AKAP10: variants seen among roughly 807,000 people sequenced by gnomAD.
AKAP10 encodes A-kinase anchoring protein 10, also known as A-kinase anchor protein 10, mitochondrial.
Under a neutral mutation model 80.8 loss-of-function variants are expected in AKAP10, and 24 were observed. The ratio of observed to expected loss-of-function variants is 0.30; its 90% CI spans 0.22 to 0.42. The LOEUF (loss-of-function observed/expected upper bound fraction) is 0.42, where lower values mean the gene tolerates loss of function less well. Among genes scored for constraint, AKAP10 ranks in the 10% least tolerant of loss-of-function variants. The pLI, the probability that AKAP10 is intolerant of heterozygous loss-of-function variation, is 1.00. For synonymous variants in AKAP10, 291 were observed against 277.7 expected (o/e 1.05, Z -0.48); for missense variants, 661 against 794.9 (o/e 0.83, Z 2.03).
intron 12 of AKAP10, among the ~76,000 whole-genome samples, chr17:19,917,514 G>A (rs2042758567): frequency 1.3e-5 from 2 of 152,152 alleles, no homozygotes; most frequent in Non-Finnish European, 2.9e-5. Context: ...CCATTACCTA[G>A]GTGGAAGTGC....
intron 4 of AKAP10, 51 bp from the exon 5 acceptor site, chr17:19,947,556 G>A: frequency 2.5e-6 from 3 of 1,196,022 alleles, no homozygotes; most frequent in Non-Finnish European, 3.7e-6. Flanking sequence ...TTGGACTCCA[G>A]TAATGAATTA....
At chr17:19,925,063 C>T (rs2042862114) in intron 10 of AKAP10, among the ~76,000 whole-genome samples, 1 of 152,010 alleles carries the variant, frequency 6.6e-6, no homozygotes, top group Non-Finnish European at 1.5e-5. Context: ...ACTCTGGAGG[C>T]TGAGACATGA....
intron 9 of AKAP10, among the ~76,000 whole-genome samples, chr17:19,932,359 A>G (rs947691733): frequency 1.3e-5 from 2 of 151,276 alleles, no homozygotes; most frequent in Non-Finnish European, 2.9e-5. Context: ...GGCCTGAGGC[A>G]GGAGAATTGC....
At chr17:19,947,144 G>T (rs1597511470) in intron 5 of AKAP10, 1 of 426,506 alleles carries the variant, frequency 2.3e-6, no homozygotes, top group Admixed American at 3.9e-5. Flanking sequence ...CCGCCCGCCG[G>T]CCCGGCTGCT....
At chr17:19,973,535 C>T (rs947437948) in intron 1 of AKAP10, among the ~76,000 whole-genome samples, 6 of 152,158 alleles carry the variant, frequency 3.9e-5, no homozygotes, top group African/African-American at 1.2e-4. Context: ...ACTCTATATC[C>T]GAAATTCCCA....
chr17:19,919,750 C>T (rs991130556), intron 12 of AKAP10, among the ~76,000 whole-genome samples: 1 of 151,580 alleles, frequency 6.6e-6, no homozygotes, highest in African/African-American at 2.4e-5. Flanking sequence ...TTAAGTCCAA[C>T]TTAGGTCGGG....
At chr17:19,941,683 T>C (rs909367724) in intron 6 of AKAP10, 143 bp downstream of exon 6, 24 of 468,042 alleles carry the variant, frequency 5.1e-5, no homozygotes, top group Non-Finnish European at 7.1e-5. Flanking sequence ...TTAACCAAGA[T>C]AGAGTATGCT....
intron 2 of AKAP10, among the ~76,000 whole-genome samples, chr17:19,963,721 C>G (rs1477813987): frequency 6.6e-6 from 1 of 151,916 alleles, no homozygotes; most frequent in African/African-American, 2.4e-5. Flanking sequence ...ATGGTGAAAC[C>G]CTGTCTCTAC....
chr17:19,927,187 AG>A (rs2042883842), intron 10 of AKAP10, among the ~76,000 whole-genome samples: 1 of 152,182 alleles, frequency 6.6e-6, no homozygotes, highest in Non-Finnish European at 1.5e-5. Flanking sequence ...AGAAAAAAAA[AG>A]CTGGGTGTGA....
intron 9 of AKAP10, among the ~76,000 whole-genome samples, chr17:19,932,565 A>G (rs182792938): frequency 6.6e-6 from 1 of 152,246 alleles, no homozygotes; most frequent in East Asian, 1.9e-4. Flanking sequence ...TTAGCAGAAA[A>G]TAGTCCATAG....
chr17:19,930,019 A>AC (rs1274965365), intron 10 of AKAP10, among the ~76,000 whole-genome samples: 1 of 146,754 alleles, frequency 6.8e-6, no homozygotes, highest in Non-Finnish European at 1.5e-5. Context: ...AAAAAAAAAA[A>AC]CCAAGACATT....
At chr17:19,954,723 G>A (rs1463108820) in intron 4 of AKAP10, among the ~76,000 whole-genome samples, 1 of 149,790 alleles carries the variant, frequency 6.7e-6, no homozygotes, top group Non-Finnish European at 1.5e-5. Context: ...TCGATCTCCT[G>A]ACCTCGTAAT....
At chr17:19,946,265 ATATATATATATTTTTTTT>A (rs2043125065) in intron 5 of AKAP10, among the ~76,000 whole-genome samples, 1 of 27,458 alleles carries the variant, frequency 3.6e-5, no homozygotes, top group Non-Finnish European at 6.1e-5. Context: ...ATATATATAT[ATATATATATATTTTTTTT>A]TTTTTTTTTT....
At chr17:19,951,219 C>T (rs169411) in intron 4 of AKAP10, among the ~76,000 whole-genome samples, 1,917 of 42,944 alleles carry the variant, frequency 0.045, no homozygotes, top group African/African-American at 0.051. Flanking sequence ...CCGCCCCGTC[C>T]GGGAGGGAGG....
At chr17:19,918,005 G>A (rs1354327085) in intron 12 of AKAP10, among the ~76,000 whole-genome samples, 1 of 152,010 alleles carries the variant, frequency 6.6e-6, no homozygotes, top group African/African-American at 2.4e-5. Flanking sequence ...CAGATTACGA[G>A]GTCAGGAGTT....
intron 11 of AKAP10, among the ~76,000 whole-genome samples, chr17:19,920,518 C>T (rs2042798486): frequency 6.6e-6 from 1 of 152,070 alleles, no homozygotes; most frequent in East Asian, 1.9e-4. Context: ...TCTGTTTATA[C>T]TAAAACTATA....
chr17:19,951,118 G>A (rs1430288426), intron 4 of AKAP10, among the ~76,000 whole-genome samples: 5 of 145,778 alleles, frequency 3.4e-5, no homozygotes, highest in Non-Finnish European at 6.0e-5. Context: ...CCCGGCAGCC[G>A]CCCCGTCCGG....
chr17:19,977,614 G>A lies in AKAP10; in HGVS notation c.66C>T (p.Ala22=), dbSNP rs1351119120. The A allele has an allele frequency of 3.2e-6, 4 of 1,235,006 alleles. No individual in the cohort carries two copies. The highest frequency in any genetic ancestry group is 8.4e-5 in the Admixed American group (2 of 23,704). The allele number at this position is 1,235,006 out of a possible 1,614,324, so 76.5% of individuals were successfully genotyped here. Residue 22 remains alanine (A), a synonymous_variant, in exon 1 of 15, where the codon GCC becomes GCT. Coordinates refer to ENST00000225737, the MANE Select transcript of AKAP10 (RefSeq NM_007202.4). ...TACCTTTCCGCCGGAAGAAGGACAT[G>A]GCGGGGCCCGGGTCGGGACGGAGGG... ...PRTLRPDPGP[A]MSFFRRKVKG... is the part of the protein sequence containing the mutation.
At chr17:19,944,731 C>T (rs1387592229) in intron 5 of AKAP10, among the ~76,000 whole-genome samples, 1 of 152,140 alleles carries the variant, frequency 6.6e-6, no homozygotes, top group South Asian at 2.1e-4. Flanking sequence ...CACTTCCAAA[C>T]CATCAGCAAA....
Sources: gnomAD v4.1 joint callset for allele counts (sites outside exome capture counted in the v4.1 genomes callset) on GRCh38, gnomAD v4.1.1 for gene constraint, MANE v1.5 for transcripts, NCBI Gene and HGNC (gene_info 2026-07-23, HGNC 2026-07-21) for gene names.